CDH13: variants seen among roughly 807,000 people sequenced by gnomAD.
CDH13 encodes the protein cadherin-13.
Under a neutral mutation model 63.8 loss-of-function variants are expected in CDH13, and 24 were observed. The ratio of observed to expected loss-of-function variants is 0.38; its 90% CI spans 0.27 to 0.53. The LOEUF (loss-of-function observed/expected upper bound fraction) is 0.53. Ranked by LOEUF, CDH13 falls within the 20% of genes least tolerant of loss-of-function variation. The pLI is 0.85. For synonymous variants in CDH13, 503 were observed against 355.3 expected, an observed-to-expected ratio of 1.42 and a Z score of -4.67; for missense variants, 1,049 against 903.1, an observed-to-expected ratio of 1.16 and a Z score of -2.07.
intron 1 of CDH13, among the ~76,000 whole-genome samples, chr16:82,730,676 G>C (rs1597425482): frequency 6.6e-6 from 1 of 152,186 alleles, no homozygotes; most frequent in East Asian, 1.9e-4. Flanking sequence ...CAATACACTT[G>C]CTCAATGCAG....
At chr16:83,014,814 T>A (rs1337400303) in intron 2 of CDH13, among the ~76,000 whole-genome samples, 2 of 77,906 alleles carry the variant, frequency 2.6e-5, no homozygotes, top group African/African-American at 9.3e-5. Flanking sequence ...GTATATATAT[T>A]TGTATATATA....
intron 1 of CDH13, among the ~76,000 whole-genome samples, chr16:82,777,511 C>A (rs544813499): frequency 2.8e-4 from 42 of 152,320 alleles, no homozygotes; most frequent in African/African-American, 9.4e-4. Context: ...CAGGTAGATG[C>A]AATAGGCCTT....
chr16:83,391,336 G>A (rs923919527), intron 6 of CDH13, among the ~76,000 whole-genome samples: 2 of 151,990 alleles, frequency 1.3e-5, no homozygotes, highest in African/African-American at 4.8e-5. Flanking sequence ...CTCCCGAGTA[G>A]CTGGGATTAC....
In CDH13 at chr16:82,864,424, G is replaced by T. The variant is rs571086585; in HGVS notation, c.157+5951G>T. On this transcript the variant is annotated intron_variant, in intron 2 of 13. Coordinates refer to ENST00000567109, the MANE Select transcript of CDH13 (RefSeq NM_001257.5). ...TGACTCACAATTCAGCATGGCTGAG[G>T]GGTGGCCTCGGGAAGCTTACAATCA... Among the ~76,000 whole-genome samples, 292 of 152,210 alleles carry T rather than the reference G, an allele frequency of 1.9e-3. 1 individual carries two copies. Among genetic ancestry groups the T allele is most frequent in the Non-Finnish European group, 3.4e-3 (228 of 68,028 alleles).
chr16:83,602,272 T>C (rs1907919721), intron 7 of CDH13, among the ~76,000 whole-genome samples, 182 bp from the exon 8 acceptor site: 1 of 152,082 alleles, frequency 6.6e-6, no homozygotes, highest in Non-Finnish European at 1.5e-5. Flanking sequence ...GTGACTGTCT[T>C]ATATTGAAGA....
At chr16:83,759,170 C>G (rs917765767) in intron 11 of CDH13, among the ~76,000 whole-genome samples, 1 of 152,120 alleles carries the variant, frequency 6.6e-6, no homozygotes, top group South Asian at 2.1e-4. Flanking sequence ...TAATTGAAAC[C>G]ATGGTATTTG....
chr16:83,048,411 G>T (rs1917993190), intron 3 of CDH13, among the ~76,000 whole-genome samples: 1 of 152,154 alleles, frequency 6.6e-6, no homozygotes, highest in Non-Finnish European at 1.5e-5. Flanking sequence ...CACGCTCCTG[G>T]ACCTGTGCCA....
intron 8 of CDH13, among the ~76,000 whole-genome samples, chr16:83,667,036 T>A (rs940355711): frequency 7.9e-5 from 10 of 126,564 alleles, no homozygotes; most frequent in African/African-American, 2.6e-4. Flanking sequence ...GATGGGTGGA[T>A]GGATGAATGG....
chr16:82,817,715 G>C (rs1425983153), intron 1 of CDH13, among the ~76,000 whole-genome samples: 4 of 152,136 alleles, frequency 2.6e-5, no homozygotes, highest in Non-Finnish European at 4.4e-5. Context: ...TGAGGTGGGA[G>C]AATCACTTGA....
At chr16:82,833,447 CA>C (rs1159851406) in intron 1 of CDH13, among the ~76,000 whole-genome samples, 1 of 152,188 alleles carries the variant, frequency 6.6e-6, no homozygotes, top group East Asian at 1.9e-4. Context: ...AGTCTAAATT[CA>C]ACCCAGGAAC....
At chr16:83,727,770 G>A (rs1013442054) in intron 10 of CDH13, among the ~76,000 whole-genome samples, 1 of 152,098 alleles carries the variant, frequency 6.6e-6, no homozygotes, top group African/African-American at 2.4e-5. Context: ...AACAGGTTTG[G>A]GAATGACAGA....
intron 6 of CDH13, among the ~76,000 whole-genome samples, chr16:83,461,834 C>T (rs1178774348): frequency 6.6e-6 from 1 of 152,184 alleles, no homozygotes; most frequent in Non-Finnish European, 1.5e-5. Context: ...TCGAGGTTTC[C>T]AGAAGATCGA....
chr16:83,427,589 A>C (rs183484553), intron 6 of CDH13, among the ~76,000 whole-genome samples: 3 of 152,302 alleles, frequency 2.0e-5, no homozygotes, highest in African/African-American at 7.2e-5. Context: ...TGGTACAGTT[A>C]GTTACTGCAG....
At position 83,772,187 on chromosome 16, in the gene CDH13, C is replaced by T. The variant is rs149032634; in HGVS notation, c.1682-7781C>T. Among the ~76,000 whole-genome samples, 192 of 152,172 alleles carry T rather than the reference C, an allele frequency of 1.3e-3. 1 individual carries two copies. The highest frequency in any genetic ancestry group is 4.5e-3 in the African/African-American group (188 of 41,512). On this transcript the variant is annotated intron_variant, in intron 11 of 13. Coordinates refer to ENST00000567109, the MANE Select transcript of CDH13 (RefSeq NM_001257.5). ...AAGTAGTATAAGACTGAAAGACATG[C>T]TTAAGAGAAAGGAGGGAGCCATACT...
intron 4 of CDH13, among the ~76,000 whole-genome samples, chr16:83,207,932 T>A (rs1435478172): frequency 6.6e-6 from 1 of 152,184 alleles, no homozygotes; most frequent in East Asian, 1.9e-4. Context: ...GAAACCAGAC[T>A]GGCAAAATGA....
intron 2 of CDH13, among the ~76,000 whole-genome samples, chr16:82,867,499 C>T (rs1240704296): frequency 6.6e-6 from 1 of 152,146 alleles, no homozygotes; most frequent in African/African-American, 2.4e-5. Flanking sequence ...TCTCAGCTTT[C>T]CACCCTCTCT....
At chr16:83,059,679 A>G (rs1163599890) in intron 3 of CDH13, among the ~76,000 whole-genome samples, 4 of 151,874 alleles carry the variant, frequency 2.6e-5, no homozygotes, top group South Asian at 2.1e-4. Flanking sequence ...TTCTGGTTCC[A>G]TGACACACAT....
intron 2 of CDH13, among the ~76,000 whole-genome samples, chr16:82,869,492 T>C (rs2040269702): frequency 6.6e-6 from 1 of 152,060 alleles, no homozygotes; most frequent in East Asian, 1.9e-4. Flanking sequence ...ATTCTAAAAT[T>C]TATACAGAAC....
At chr16:83,781,810 C>T (rs988390790) in intron 12 of CDH13, among the ~76,000 whole-genome samples, 1 of 151,718 alleles carries the variant, frequency 6.6e-6, no homozygotes, top group Non-Finnish European at 1.5e-5. Context: ...GATAAATAGC[C>T]AGTGCATGTG....
Sources: gnomAD v4.1 joint callset for allele counts (sites outside exome capture counted in the v4.1 genomes callset) on GRCh38, gnomAD v4.1.1 for gene constraint, MANE v1.5 for transcripts, NCBI Gene and HGNC (gene_info 2026-07-23, HGNC 2026-07-21) for gene names.